Variants in PRDM1 observed in about 807,000 individuals in gnomAD.
The protein encoded by PRDM1 is PR/SET domain 1, also known as PR domain zinc finger protein 1.
In PRDM1, 13 loss-of-function variants were observed where a neutral mutation model predicts 62.8. The observed-to-expected ratio is 0.21, with a 90% CI of 0.13 to 0.33. The LOEUF is 0.33. Among genes scored for constraint, PRDM1 ranks in the 10% least tolerant of loss-of-function variants. The probability of loss-of-function intolerance (pLI) is 1.00; values close to 1 mark genes in which losing one functional copy is unlikely to be tolerated. For missense variants in PRDM1, 895 were observed against 1,058.8 expected (o/e 0.85, Z 2.15); for synonymous variants, 396 against 417.6 (o/e 0.95, Z 0.63).
intron 1 of PRDM1, among the ~76,000 whole-genome samples, chr6:106,052,885 T>C (rs115385032): frequency 0.014 from 2,094 of 151,956 alleles, 56 homozygotes; most frequent in African/African-American, 0.048. Context: ...GGAGAATCAT[T>C]GAACTGGGAA....
intron 3 of PRDM1, chr6:106,098,815 G>A: frequency 6.6e-7 from 1 of 1,520,258 alleles, no homozygotes; most frequent in Non-Finnish European, 8.9e-7. Context: ...CTTGGGCGGG[G>A]GTGTAGGAAA....
intron 1 of PRDM1, among the ~76,000 whole-genome samples, chr6:106,006,843 C>G (rs1451767554): frequency 6.6e-6 from 1 of 151,866 alleles, no homozygotes. Flanking sequence ...TATCTCATCA[C>G]CCTGGGGCTG....
At position 106,105,801 on chromosome 6, in the gene PRDM1, G is replaced by C; in HGVS notation, c.1641G>C (p.Met547Ile). 1 of 1,614,196 alleles carries C rather than the reference G, an allele frequency of 6.2e-7. No individual in the cohort carries two copies. Among genetic ancestry groups the C allele is most frequent in the Non-Finnish European group, 8.5e-7 (1 of 1,180,040 alleles). The change falls in exon 5 of 7, where the codon ATG (methionine) becomes ATC (isoleucine). Residue 547 changes from methionine (M) to isoleucine (I), a missense_variant. Coordinates refer to ENST00000369096, the MANE Select transcript of PRDM1 (RefSeq NM_001198.4). ...CAGCCCCCAGCAGCGACGAAGCCAT[G>C]AATCTCATTAAAAACAAAAGAAACA... is the stretch of plus-strand genomic sequence containing the variant. Reference protein sequence around the residue: ...AMAAPSSDEAMNLIKNKRNMT... With the variant: ...AMAAPSSDEAINLIKNKRNMT...
chr6:106,012,996 C>T (rs577275210), intron 1 of PRDM1, among the ~76,000 whole-genome samples: 2 of 152,186 alleles, frequency 1.3e-5, no homozygotes, highest in African/African-American at 4.8e-5. Flanking sequence ...AAGCAATTCT[C>T]GTGCCTCAGT....
In PRDM1 at chr6:106,104,960, A is replaced by T. The variant is rs2114650676; in HGVS notation, c.800A>T (p.Tyr267Phe). 6.2e-7 allele frequency: 1 copy of T among 1,614,066 alleles called. No homozygotes were observed. The highest frequency in any genetic ancestry group is 8.5e-7 in the Non-Finnish European group (1 of 1,180,018). ...AACCCCTCCAAAGGAAAGGACCTCT[A>T]CCGTTCTAACATTTCACCCCTCACA... Reference protein sequence around the residue: ...DSNPSKGKDLYRSNISPLTSE... With the variant: ...DSNPSKGKDLFRSNISPLTSE... The change falls in exon 5 of 7, where the codon TAC becomes TTC. Residue 267 changes from tyrosine (Y) to phenylalanine (F), a missense_variant. By Grantham distance (22) the Tyr-to-Phe change is conservative (BLOSUM62 3). Around this residue, in one of 4 missense-constraint regions of PRDM1, gnomAD observed 444 missense variants for 422.7 expected, o/e 1.05. Coordinates refer to ENST00000369096, the MANE Select transcript of PRDM1 (RefSeq NM_001198.4).
chr6:106,072,657 G>T (rs1773537390), intron 1 of PRDM1, among the ~76,000 whole-genome samples: 2 of 152,192 alleles, frequency 1.3e-5, no homozygotes, highest in Non-Finnish European at 2.9e-5. Context: ...TGTGTGTGTG[G>T]CTTCTCCTGC....
intron 1 of PRDM1, among the ~76,000 whole-genome samples, chr6:106,051,008 GTT>G (rs1319501225): frequency 6.6e-6 from 1 of 151,814 alleles, no homozygotes; most frequent in African/African-American, 2.4e-5. Context: ...TGCCTGATGG[GTT>G]GGTTTTGTCA....
At chr6:106,067,894 A>G (rs1773457141) in intron 1 of PRDM1, among the ~76,000 whole-genome samples, 1 of 152,222 alleles carries the variant, frequency 6.6e-6, no homozygotes, top group Non-Finnish European at 1.5e-5. Flanking sequence ...TTTAAACCAC[A>G]ATAAAAAAAT....
At chr6:106,099,217 G>GTACC in intron 3 of PRDM1, 83 bp from the exon 4 acceptor site, 2 of 1,602,702 alleles carry the variant, frequency 1.2e-6, no homozygotes, top group Non-Finnish European at 1.7e-6. Context: ...ATCACACACG[G>GTACC]TACCGGCTGT....
intron 1 of PRDM1, among the ~76,000 whole-genome samples, chr6:106,056,925 G>T (rs188298249): frequency 2.6e-5 from 4 of 152,304 alleles, no homozygotes; most frequent in Admixed American, 1.3e-4. Context: ...AGAATGCAGG[G>T]ACAATGGGTG....
chr6:106,103,480 A>C (rs1366939929), intron 4 of PRDM1, among the ~76,000 whole-genome samples: 1 of 152,164 alleles, frequency 6.6e-6, no homozygotes, highest in Non-Finnish European at 1.5e-5. Context: ...ATTGACAGCC[A>C]ATGCCTTCAG....
chr6:106,002,627 C>T (rs1772440081), intron 1 of PRDM1, among the ~76,000 whole-genome samples: 1 of 152,114 alleles, frequency 6.6e-6, no homozygotes, highest in Non-Finnish European at 1.5e-5. Flanking sequence ...TTATCCTCAT[C>T]AAATGTGACT....
At position 106,106,104 on chromosome 6, in the gene PRDM1, A is replaced by T. The variant is rs1352529706; in HGVS notation, c.1773+171A>T. Among the ~76,000 whole-genome samples, 1 of 152,168 alleles carries T rather than the reference A, an allele frequency of 6.6e-6. No individual in the cohort carries two copies. The highest frequency in any genetic ancestry group is 1.5e-5 in the Non-Finnish European group (1 of 68,036). On this transcript the variant is annotated intron_variant, in intron 5 of 6. Transcript: ENST00000369096. This position sits in a 1 kb window ranked among gnomAD's most constrained non-coding sequence, Gnocchi z 4.4. ...GCCACTTCTAGCTCTTTGACTTTGG[A>T]CAAGTGACTTCCCTTCTCCTGATTT... is the stretch of plus-strand genomic sequence containing the variant.
chr6:106,051,574 C>G (rs1225205555), intron 1 of PRDM1, among the ~76,000 whole-genome samples: 1 of 152,052 alleles, frequency 6.6e-6, no homozygotes, highest in Non-Finnish European at 1.5e-5. Flanking sequence ...TTTAACTGAC[C>G]CGTTGTCTGA....
upstream of PRDM1, among the ~76,000 whole-genome samples, chr6:106,085,955 G>T (rs905938944): frequency 6.6e-6 from 1 of 152,092 alleles, no homozygotes; most frequent in African/African-American, 2.4e-5. Flanking sequence ...TTGCTCTTTT[G>T]AAGTAAGATT....
chr6:106,002,136 T>G (rs1222593995), intron 1 of PRDM1, among the ~76,000 whole-genome samples: 1 of 152,168 alleles, frequency 6.6e-6, no homozygotes, highest in Non-Finnish European at 1.5e-5. Flanking sequence ...TTTTTTGTTT[T>G]CTTAAGTAGC....
At chr6:106,003,496 A>G (rs548167236) in intron 1 of PRDM1, among the ~76,000 whole-genome samples, 4 of 152,304 alleles carry the variant, frequency 2.6e-5, no homozygotes, top group African/African-American at 7.2e-5. Flanking sequence ...CTTCCTTACT[A>G]TCTATCCTTA....
intron 1 of PRDM1, among the ~76,000 whole-genome samples, chr6:106,053,945 A>C (rs1773222779): frequency 6.6e-6 from 1 of 152,078 alleles, no homozygotes; most frequent in Admixed American, 6.6e-5. Flanking sequence ...CTAGAGTACA[A>C]AGGTTATGAA....
At chr6:106,081,679 G>A (rs901056073), upstream of PRDM1, among the ~76,000 whole-genome samples, 5 of 152,118 alleles carry the variant, frequency 3.3e-5, no homozygotes, top group African/African-American at 7.2e-5. Flanking sequence ...TTACCTTGGC[G>A]TGAAGAAAGT....
Sources: allele counts gnomAD v4.1 joint callset (sites outside exome capture counted in the v4.1 genomes callset), GRCh38; gene constraint gnomAD v4.1.1; regional missense constraint gnomAD v4.1.1; non-coding constraint Gnocchi (gnomAD v3.1); transcripts MANE v1.5; gene names NCBI Gene and HGNC (gene_info 2026-07-23, HGNC 2026-07-21).